Variants in PDE1C observed in about 807,000 individuals in gnomAD.
PDE1C encodes the protein phosphodiesterase 1C, also known as dual specificity calcium/calmodulin-dependent 3',5'-cyclic nucleotide phosphodiesterase 1C.
In PDE1C, 62 loss-of-function variants were observed where a neutral mutation model predicts 93.1. That is an observed-to-expected ratio of 0.67 (90% CI 0.54 to 0.82). The LOEUF is 0.82. Among genes scored for constraint, PDE1C ranks in the 40% least tolerant of loss-of-function variants. PDE1C has a pLI of 0.00. For missense variants in PDE1C, 742 were observed against 884.6 expected, an observed-to-expected ratio of 0.84 and a Z score of 2.04; for synonymous variants, 325 against 310.1, an observed-to-expected ratio of 1.05 and a Z score of -0.50.
chr7:31,673,049 T>C, the PDE1C span, among the ~76,000 whole-genome samples: 1 of 152,182 alleles, frequency 6.6e-6, no homozygotes, highest in Non-Finnish European at 1.5e-5. Flanking sequence ...TCCTGAGGCC[T>C]CCTCTGCCAC....
intron 2 of PDE1C, among the ~76,000 whole-genome samples, chr7:31,944,947 CT>C (rs1563076867): frequency 6.6e-6 from 1 of 152,098 alleles, no homozygotes. Flanking sequence ...ATACAGAGTT[CT>C]TTCCCCTGCT....
chr7:31,642,106 G>A, the PDE1C span: 4 of 1,063,860 alleles, frequency 3.8e-6, no homozygotes, highest in Non-Finnish European at 5.6e-6. Flanking sequence ...GGCACCTAGA[G>A]GGGTTGATCC....
intron 3 of PDE1C, among the ~76,000 whole-genome samples, chr7:32,150,128 G>A (rs1247966967): frequency 6.6e-6 from 1 of 152,132 alleles, no homozygotes. Context: ...TCCCAGCACC[G>A]GATTCAACTC....
At chr7:31,623,390 A>C in the PDE1C span, among the ~76,000 whole-genome samples, 1 of 151,764 alleles carries the variant, frequency 6.6e-6, no homozygotes, top group Non-Finnish European at 1.5e-5. Context: ...GCAGCACATC[A>C]AAAAGCTTAT....
the PDE1C span, among the ~76,000 whole-genome samples, chr7:31,703,206 G>T: frequency 6.6e-5 from 10 of 152,176 alleles, no homozygotes; most frequent in African/African-American, 2.4e-4. Flanking sequence ...TCCATTCTCT[G>T]TTCAATCTTA....
At chr7:32,037,610 T>A (rs986087497) in intron 2 of PDE1C, among the ~76,000 whole-genome samples, 1 of 152,188 alleles carries the variant, frequency 6.6e-6, no homozygotes, top group Non-Finnish European at 1.5e-5. Context: ...ACCCCCAAAC[T>A]AAGCAGATGT....
At chr7:32,246,721 A>G (rs1175964534) in intron 1 of PDE1C, among the ~76,000 whole-genome samples, 1 of 152,236 alleles carries the variant, frequency 6.6e-6, no homozygotes, top group Non-Finnish European at 1.5e-5. Context: ...GCTCTCCTAA[A>G]TATCAGCTGT....
the PDE1C span, among the ~76,000 whole-genome samples, chr7:31,629,408 C>G: frequency 6.6e-6 from 1 of 152,162 alleles, no homozygotes; most frequent in Admixed American, 6.5e-5. Context: ...CACGAAGCTC[C>G]AGGCACAATG....
At chr7:32,283,410 G>A (rs769487736) in intron 1 of PDE1C, among the ~76,000 whole-genome samples, 10 of 152,138 alleles carry the variant, frequency 6.6e-5, no homozygotes, top group Admixed American at 1.3e-4. Flanking sequence ...TGGTATGACA[G>A]GTAGGATTTT....
At chr7:32,138,521 C>T (rs1391464815) in intron 3 of PDE1C, among the ~76,000 whole-genome samples, 1 of 152,082 alleles carries the variant, frequency 6.6e-6, no homozygotes, top group Non-Finnish European at 1.5e-5. Context: ...CTTGCCCCAT[C>T]ATCTGGCCGT....
rs149865971 is a variant in PDE1C at position 32,262,214 on chromosome 7, G to A, written c.85+36437C>T. Among the ~76,000 whole-genome samples the A allele has an allele frequency of 3.7e-3, 563 of 152,016 alleles. 6 individuals carry two copies. The highest frequency in any genetic ancestry group is 0.013 in the African/African-American group (521 of 41,428). ...AATTTTTGACATTAATTTGTATTTC[G>A]TTCTCTGTGATTCCCACCTCCACTT... On this transcript the variant is annotated intron_variant, in intron 1 of 18. Transcript: ENST00000396193.
intron 13 of PDE1C, 113 bp downstream of exon 13, chr7:31,824,754 A>G: frequency 1.5e-6 from 2 of 1,358,740 alleles, no homozygotes; most frequent in South Asian, 2.7e-5. Flanking sequence ...TTTTCTGAGA[A>G]GGAGCTAAGG....
intron 15 of PDE1C, among the ~76,000 whole-genome samples, chr7:31,813,789 TC>T: frequency 6.6e-6 from 1 of 152,200 alleles, no homozygotes; most frequent in Middle Eastern, 3.4e-3. Flanking sequence ...CAATTTGTAG[TC>T]TTTTATCCCT....
At chr7:31,772,178 A>T (rs1795534512) in intron 17 of PDE1C, among the ~76,000 whole-genome samples, 1 of 152,226 alleles carries the variant, frequency 6.6e-6, no homozygotes, top group East Asian at 1.9e-4. Flanking sequence ...CTTTATGACT[A>T]ATGCTCTATA....
At chr7:31,697,089 T>C in the PDE1C span, 1 of 1,614,064 alleles carries the variant, frequency 6.2e-7, no homozygotes. Flanking sequence ...AAGACACACC[T>C]GCCCTGCACA....
intron 3 of PDE1C, among the ~76,000 whole-genome samples, chr7:32,120,342 C>G (rs1799227365): frequency 6.6e-6 from 1 of 152,198 alleles, no homozygotes; most frequent in East Asian, 1.9e-4. Flanking sequence ...GCAGCCCAGA[C>G]AAGTGGGTTT....
exon 1 of PDE1C, chr7:32,298,786 G>GC (rs1812791644): frequency 1.3e-6 from 2 of 1,544,118 alleles, no homozygotes; most frequent in Non-Finnish European, 1.7e-6. Flanking sequence ...GGCGTCTGCG[G>GC]TCCCCCCCAC....
downstream of PDE1C, among the ~76,000 whole-genome samples, chr7:31,749,735 A>ATTTT (rs776124846): frequency 8.4e-5 from 11 of 131,322 alleles, 2 homozygotes; most frequent in East Asian, 4.5e-4. Context: ...CTGTTGTCTA[A>ATTTT]TTTTTTTTTT....
chr7:31,760,342 C>T lies in PDE1C; in HGVS notation c.1961-6789G>A, dbSNP rs193246172. Among the ~76,000 whole-genome samples the T allele has an allele frequency of 3.3e-4, 51 of 152,300 alleles. 1 individual carries two copies. Among genetic ancestry groups the T allele is most frequent in the Admixed American group, 3.3e-3 (50 of 15,296 alleles). ...CATATGGTATCACACTATATCAAGT[C>T]ATTAACCCAGTATACCCTGTTGTTT... On this transcript the variant is annotated intron_variant, in intron 17 of 17. Transcript: ENST00000396191.
Sources: gnomAD v4.1 joint callset for allele counts (sites outside exome capture counted in the v4.1 genomes callset) on GRCh38, gnomAD v4.1.1 for gene constraint, MANE v1.5 for transcripts, NCBI Gene and HGNC (gene_info 2026-07-23, HGNC 2026-07-21) for gene names.